The following CELSR2 variants were observed in gnomAD, a reference collection of about 807,000 sequenced individuals.
CELSR2 encodes EGF-like protein 2.
CELSR2 carries 81 observed loss-of-function variants against 251.6 expected under a neutral mutation model. That is an observed-to-expected ratio of 0.32 (90% confidence interval 0.27 to 0.39). The LOEUF (loss-of-function observed/expected upper bound fraction) is 0.39, where lower values mean the gene tolerates loss of function less well. Ranked by LOEUF, CELSR2 falls within the 10% of genes least tolerant of loss-of-function variation. The pLI, the probability that CELSR2 is intolerant of heterozygous loss-of-function variation, is 1.00. For synonymous variants in CELSR2, 1,721 were observed against 1,670.5 expected, an observed-to-expected ratio of 1.03 and a Z score of -0.74; for missense variants, 3,365 against 3,947.7, an observed-to-expected ratio of 0.85 and a Z score of 3.96.
chr1:109,270,270 C>G, intron 23 of CELSR2, 137 bp downstream of exon 23: 1 of 1,261,804 alleles, frequency 7.9e-7, no homozygotes, highest in Non-Finnish European at 1.1e-6. Context: ...GTTTCCTCTT[C>G]TGTGGCTCCC....
intron 15 of CELSR2, 78 bp from the exon 16 acceptor site, chr1:109,267,470 C>G: frequency 7.4e-7 from 1 of 1,360,348 alleles, no homozygotes; most frequent in Non-Finnish European, 1.0e-6. Flanking sequence ...TGCTGGCCTC[C>G]AGCAGAACCT....
At chr1:109,264,781 T>C in intron 11 of CELSR2, 87 bp from the exon 12 acceptor site, 1 of 1,603,576 alleles carries the variant, frequency 6.2e-7, no homozygotes, top group Non-Finnish European at 8.5e-7. Flanking sequence ...TAGGATGCTA[T>C]GTGGAAAGAA....
rs1655920901 is a variant in CELSR2 at position 109,258,414 on chromosome 1, C to T, written c.3311-18C>T. On this transcript the variant is annotated intron_variant, in intron 1 of 33. Coordinates refer to ENST00000271332, the MANE Select transcript of CELSR2 (RefSeq NM_001408.3). ...ATTGCAGCCCCAGGCTGGGTCCTGA[C>T]TGTGTCCCTCTCCACAGACGGCGTA... The T allele has an allele frequency of 6.5e-7, 1 of 1,542,730 alleles. No homozygotes were observed. Among genetic ancestry groups the T allele is most frequent in the African/African-American group, 1.4e-5 (1 of 73,140 alleles).
rs750902463 is a variant in CELSR2 at position 109,274,070 on chromosome 1, G to A, written c.*21G>A. ...ATTAACCCTGGGCCGTGGTTCCTACGCCCGAGGCTCCCTTCCCTTCCCCAG... is the reference window on the plus strand; with the variant it reads ...ATTAACCCTGGGCCGTGGTTCCTACACCCGAGGCTCCCTTCCCTTCCCCAG... On this transcript the variant is annotated 3_prime_UTR_variant, in exon 34 of 34. Transcript: ENST00000271332. The A allele has an allele frequency of 5.6e-6, 9 of 1,613,652 alleles. No individual in the cohort carries two copies. Among genetic ancestry groups the A allele is most frequent in the East Asian group, 4.5e-5 (2 of 44,844 alleles).
chr1:109,273,823 C>G, intron 33 of CELSR2, 153 bp downstream of exon 33: 1 of 1,000,220 alleles, frequency 1.0e-6, no homozygotes, highest in East Asian at 2.5e-5. Context: ...GCCGTGCCCA[C>G]AAACCATGGT....
chr1:109,264,686 G>C lies in CELSR2; in HGVS notation c.5464+58G>C. 5 of 1,590,380 alleles carry C rather than the reference G, an allele frequency of 3.1e-6. No homozygotes were observed. In the South Asian group the frequency reaches 5.6e-5, roughly 18 times the overall value. On this transcript the variant is annotated intron_variant, in intron 11 of 33. Transcript: ENST00000271332. Reference sequence around the variant, plus strand: ...ATCAGGTGCCTGGGGCCACATGCTGGCTCTGCTGTGTGACCTGGGGCATGG... The same window carrying C: ...ATCAGGTGCCTGGGGCCACATGCTGCCTCTGCTGTGTGACCTGGGGCATGG...
intron 25 of CELSR2, 32 bp from the exon 26 acceptor site, chr1:109,271,185 C>T (rs760539705): frequency 6.2e-7 from 1 of 1,606,434 alleles, no homozygotes; most frequent in Non-Finnish European, 8.5e-7. Context: ...TTTGTCCCCA[C>T]TGAGCACCCC....
At position 109,249,948 on chromosome 1, in the gene CELSR2, C is replaced by T. The variant is rs1013623801; in HGVS notation, c.-132C>T. 29 of 841,958 alleles carry T rather than the reference C, an allele frequency of 3.4e-5. No homozygotes were observed. Among genetic ancestry groups the T allele is most frequent in the Non-Finnish European group, 4.3e-5 (28 of 656,444 alleles). The allele number at this position is 841,958 out of a possible 1,614,324, so 52.2% of individuals were successfully genotyped here. A position where few individuals can be genotyped will look rare whatever the true frequency, so the allele number is the denominator to read the frequency against. On this transcript the variant is annotated 5_prime_UTR_variant, in exon 1 of 34. Coordinates refer to ENST00000271332, the MANE Select transcript of CELSR2 (RefSeq NM_001408.3). ...TCCCGCCGAGCCATCCAGACGCAGG[C>T]CCCGCGGGGCGCACGGGAGGCCCCC...
rs1349515589 is a variant in CELSR2, at chr1:109,252,957, A to C, written c.2878A>C (p.Ile960Leu). ...CACCAATGCCCAGATTATGTACCAGATTGTGGAGGGCAACATCCCTGAGGT... is the reference window on the plus strand; with the variant it reads ...CACCAATGCCCAGATTATGTACCAGCTTGTGGAGGGCAACATCCCTGAGGT... ...EGTNAQIMYQ[I>L]VEGNIPEVFQ... Residue 960 changes from isoleucine to leucine, a missense_variant, in exon 1 of 34, where the codon ATT becomes CTT. By Grantham distance (5) the Ile-to-Leu change is conservative. This residue lies in a region of CELSR2 where 505 missense variants were observed against 660.0 expected (regional missense o/e 0.77). Coordinates refer to ENST00000271332, the MANE Select transcript of CELSR2 (RefSeq NM_001408.3). The surrounding 1 kb of genome is among the most constrained non-coding windows in gnomAD (Gnocchi z 4.8). 2.5e-6 allele frequency: 4 copies of C among 1,612,436 alleles called. No homozygotes were observed. The highest frequency in any genetic ancestry group is 3.4e-6 in the Non-Finnish European group (4 of 1,179,180).
chr1:109,274,013 C>A lies in CELSR2; in HGVS notation c.8745-9C>A. 1 of 1,614,088 alleles carries A rather than the reference C, an allele frequency of 6.2e-7. No homozygotes were observed. On this transcript the variant is annotated splice_polypyrimidine_tract_variant and intron_variant, in intron 33 of 33. Coordinates refer to ENST00000271332, the MANE Select transcript of CELSR2 (RefSeq NM_001408.3). ...CCTTTTCTGCCACTTTCCTTTCCTG[C>A]CTCTCCAGATTTCTCTTCTTTAACT... is the stretch of plus-strand genomic sequence containing the variant.
In CELSR2 at chr1:109,250,797, G is replaced by T. The variant is rs748841239; in HGVS notation, c.718G>T (p.Ala240Ser). ...QFFSLDPVTGAVTTAEELDRE... is the reference protein window; with the variant it reads ...QFFSLDPVTGSVTTAEELDRE... ...CTTCTCCCTGGACCCAGTCACTGGT[G>T]CAGTAACCACAGCCGAGGAGCTGGA... Residue 240 changes from alanine (A) to serine (S), a missense_variant, in exon 1 of 34, where the codon GCA (alanine) becomes TCA (serine). By Grantham distance (99) the Ala-to-Ser change is moderately conservative. This residue lies in a region of CELSR2 where 704 missense variants were observed against 784.1 expected (regional missense o/e 0.90). Transcript: ENST00000271332. This position sits in a 1 kb window ranked among gnomAD's most constrained non-coding sequence, Gnocchi z 4.4. 1.9e-6 allele frequency: 3 copies of T among 1,614,088 alleles called. No homozygotes were observed. Among genetic ancestry groups the T allele is most frequent in the East Asian group, 2.2e-5 (1 of 44,888 alleles).
chr1:109,254,162 T>C (rs1655783724), intron 1 of CELSR2, among the ~76,000 whole-genome samples: 1 of 152,230 alleles, frequency 6.6e-6, no homozygotes, highest in Admixed American at 6.5e-5. Context: ...CCTCATGGGC[T>C]GTTCTTAGGG....
In CELSR2 at chr1:109,270,030, G is replaced by C. The variant is rs201787934; in HGVS notation, c.7205G>C (p.Arg2402Pro). 16 of 1,614,028 alleles carry C rather than the reference G, an allele frequency of 9.9e-6. No homozygotes were observed. In the East Asian group the frequency reaches 3.1e-4, roughly 31 times the overall value. Residue 2402 changes from arginine (R) to proline (P), a missense_variant, in exon 23 of 34, where the codon CGT becomes CCT. Physicochemically the swap from Arg to Pro is moderately radical, Grantham distance 103 (BLOSUM62 -2). This residue lies in a region of CELSR2 where 2,093 missense variants were observed against 2,382.8 expected (regional missense o/e 0.88). Coordinates refer to ENST00000271332, the MANE Select transcript of CELSR2 (RefSeq NM_001408.3). ...LLTFFFLTLL[R>P]ILRSNQHGIR... ...ACCTTCTTCTTCCTCACTCTCTTGCGTATCCTGCGCTCCAACCAACACGGC... is the reference window on the plus strand; with the variant it reads ...ACCTTCTTCTTCCTCACTCTCTTGCCTATCCTGCGCTCCAACCAACACGGC...
chr1:109,265,039 T>A (rs779905534), intron 12 of CELSR2, 30 bp downstream of exon 12: 1 of 1,613,432 alleles, frequency 6.2e-7, no homozygotes, highest in Non-Finnish European at 8.5e-7. Flanking sequence ...TGGCAGCAGG[T>A]CCCAGTGGCT....
At chr1:109,256,704 C>T (rs1009030055) in intron 1 of CELSR2, among the ~76,000 whole-genome samples, 16 of 152,084 alleles carry the variant, frequency 1.1e-4, no homozygotes, top group African/African-American at 3.6e-4. Context: ...TACAATGGCG[C>T]GATCTCGGCT....
rs773305986 is a variant in CELSR2, at chr1:109,263,142, G to A, written c.4709G>A (p.Gly1570Asp). 51 of 1,596,786 alleles carry A rather than the reference G, an allele frequency of 3.2e-5. No homozygotes were observed. Among genetic ancestry groups the A allele is most frequent in the Middle Eastern group, 1.7e-4 (1 of 6,036 alleles). ...CTGAGCTGCCTTCTCTCCATTCCAG[G>A]CTGCCCTGCCAAGAAGAACGTGTGT... ...DFIANNGTVP[G>D]CPAKKNVCDS... The change falls in exon 8 of 34, where the codon GGC (glycine) becomes GAC (aspartate). Residue 1570 changes from glycine (G) to aspartate (D), a missense_variant and splice_region_variant. Around this residue, in one of 5 missense-constraint regions of CELSR2, gnomAD observed 2,093 missense variants for 2,382.8 expected, o/e 0.88. Transcript: ENST00000271332.
At chr1:109,256,554 A>G (rs921048321) in intron 1 of CELSR2, among the ~76,000 whole-genome samples, 18 of 151,860 alleles carry the variant, frequency 1.2e-4, no homozygotes, top group African/African-American at 4.1e-4. Context: ...GCCTACTCCC[A>G]CCCCACCCCA....
Position 109,268,045 on chromosome 1 carries a change from C to G in CELSR2, c.6303C>G (p.Asp2101Glu), listed in dbSNP as rs756504454. The change falls in exon 17 of 34, where the codon GAC becomes GAG. Residue 2101 changes from aspartate (D) to glutamate (E), a missense_variant. Asp to Glu is a conservative substitution (Grantham distance 45). Coordinates refer to ENST00000271332, the MANE Select transcript of CELSR2 (RefSeq NM_001408.3). Reference sequence around the variant, plus strand: ...GCTTTGGGCTGTCTGCCACACAGGACGTGCACTTCACTGAGGTGGGGCTTG... The same window carrying G: ...GCTTTGGGCTGTCTGCCACACAGGAGGTGCACTTCACTGAGGTGGGGCTTG... ...QRGFGLSATQ[D>E]VHFTENLLRV... 6.3e-7 allele frequency: 1 copy of G among 1,599,122 alleles called. No individual in the cohort carries two copies. Among genetic ancestry groups the G allele is most frequent in the Admixed American group, 1.7e-5 (1 of 59,876 alleles).
chr1:109,268,154 C>T, intron 17 of CELSR2, 94 bp downstream of exon 17: 2 of 1,482,624 alleles, frequency 1.3e-6, no homozygotes, highest in East Asian at 2.4e-5. Context: ...GGGGCCCTCC[C>T]ATCCCACCTA....
Sources: gnomAD v4.1 joint callset for allele counts (sites outside exome capture counted in the v4.1 genomes callset) on GRCh38, gnomAD v4.1.1 for gene constraint, gnomAD v4.1.1 regional missense constraint, Gnocchi (gnomAD v3.1) non-coding constraint, MANE v1.5 for transcripts, NCBI Gene and HGNC (gene_info 2026-07-23, HGNC 2026-07-21) for gene names.